KCTD9: variants seen among roughly 807,000 people sequenced by gnomAD.
The protein encoded by KCTD9 is potassium channel tetramerization domain containing 9, also known as BTB/POZ domain-containing protein KCTD9.
Under a neutral mutation model 53.3 loss-of-function variants are expected in KCTD9, and 17 were observed. That is an observed-to-expected ratio of 0.32 (90% CI 0.22 to 0.48). The LOEUF (loss-of-function observed/expected upper bound fraction) is 0.48. Ranked by LOEUF, KCTD9 falls within the 20% of genes least tolerant of loss-of-function variation. The probability of loss-of-function intolerance (pLI) is 0.99; values close to 1 mark genes in which losing one functional copy is unlikely to be tolerated. For synonymous variants in KCTD9, 128 were observed against 162.7 expected, an observed-to-expected ratio of 0.79 and a Z score of 1.62; for missense variants, 179 against 465.5, an observed-to-expected ratio of 0.38 and a Z score of 5.66.
chr8:25,448,233 G>A (rs1157688584), intron 1 of KCTD9, among the ~76,000 whole-genome samples: 3 of 152,178 alleles, frequency 2.0e-5, no homozygotes, highest in African/African-American at 7.2e-5. Flanking sequence ...GACACATGCT[G>A]CAACATGGAT....
At chr8:25,431,174 G>A (rs933506402) in intron 11 of KCTD9, among the ~76,000 whole-genome samples, 2 of 151,830 alleles carry the variant, frequency 1.3e-5, no homozygotes, top group African/African-American at 4.8e-5. Flanking sequence ...TATGATCCAA[G>A]AACAACAACA....
At chr8:25,439,516 A>C in intron 5 of KCTD9, 90 bp downstream of exon 5, 1 of 1,556,812 alleles carries the variant, frequency 6.4e-7, no homozygotes, top group East Asian at 2.3e-5. Flanking sequence ...AAACTGACAT[A>C]ATTAGTAAGT....
At chr8:25,449,591 T>C (rs1043894109) in intron 1 of KCTD9, among the ~76,000 whole-genome samples, 1 of 152,144 alleles carries the variant, frequency 6.6e-6, no homozygotes, top group Admixed American at 6.5e-5. Context: ...CCGATGAAAA[T>C]AAAGGCCACC....
At position 25,428,563 on chromosome 8, in the gene KCTD9, T is replaced by C. The variant is rs1184019159; in HGVS notation, c.*1294A>G. ...ATATCCCTGCTCTTGGGGTAGAAAATAAGGACACCAAGTCATTGGTAGGGA... is the reference window on the plus strand; with the variant it reads ...ATATCCCTGCTCTTGGGGTAGAAAACAAGGACACCAAGTCATTGGTAGGGA... On this transcript the variant is annotated 3_prime_UTR_variant, in exon 12 of 12. Coordinates refer to ENST00000221200, the MANE Select transcript of KCTD9 (RefSeq NM_017634.4). 2 of 152,040 alleles carry C rather than the reference T, an allele frequency of 1.3e-5. No individual in the cohort carries two copies. Among genetic ancestry groups the C allele is most frequent in the Non-Finnish European group, 2.9e-5 (2 of 67,950 alleles). 9.4% of individuals were successfully genotyped at this position (152,040 alleles called of 1,614,324 possible).
intron 2 of KCTD9, 120 bp downstream of exon 2, chr8:25,446,009 G>C: frequency 7.7e-7 from 1 of 1,292,840 alleles, no homozygotes; most frequent in Admixed American, 2.4e-5. Context: ...GCAAATTCTA[G>C]GTAAACACTT....
At chr8:25,453,084 T>TA (rs1258126025) in intron 1 of KCTD9, among the ~76,000 whole-genome samples, 4 of 152,184 alleles carry the variant, frequency 2.6e-5, no homozygotes, top group Non-Finnish European at 5.9e-5. Context: ...ACTTAGTGGC[T>TA]AGGCAGAGTG....
At chr8:25,456,231 G>A (rs1323763096) in intron 1 of KCTD9, among the ~76,000 whole-genome samples, 1 of 152,202 alleles carries the variant, frequency 6.6e-6, no homozygotes, top group East Asian at 1.9e-4. Flanking sequence ...AAGCAGAAGC[G>A]AGGTAAGGGA....
intron 1 of KCTD9, chr8:25,450,555 T>A: frequency 1.5e-6 from 1 of 660,660 alleles, no homozygotes; most frequent in African/African-American, 2.0e-5. Flanking sequence ...CTCAAGCCTG[T>A]AATGCCGGCA....
At chr8:25,434,618 G>C (rs1211827367) in intron 9 of KCTD9, among the ~76,000 whole-genome samples, 1 of 152,102 alleles carries the variant, frequency 6.6e-6, no homozygotes, top group East Asian at 1.9e-4. Context: ...ATATTTGGTA[G>C]ATTTTGTTAC....
Position 25,437,096 on chromosome 8 carries a change from A to G in KCTD9, c.500-611T>C, listed in dbSNP as rs531724195. Among the ~76,000 whole-genome samples the G allele has an allele frequency of 3.5e-4, 54 of 152,330 alleles. No individual in the cohort carries two copies. In the South Asian group the frequency reaches 4.3e-3, roughly 12 times the overall value. On this transcript the variant is annotated intron_variant, in intron 6 of 11. Coordinates refer to ENST00000221200, the MANE Select transcript of KCTD9 (RefSeq NM_017634.4). Reference sequence around the variant, plus strand: ...ATCTTTTCTGTGAAGACCAAACTCTATGGTCAACAATCCAATTGTAAAACA... The same window carrying G: ...ATCTTTTCTGTGAAGACCAAACTCTGTGGTCAACAATCCAATTGTAAAACA...
intron 6 of KCTD9, among the ~76,000 whole-genome samples, chr8:25,436,898 C>A (rs1310917140): frequency 6.6e-6 from 1 of 152,174 alleles, no homozygotes; most frequent in Non-Finnish European, 1.5e-5. Flanking sequence ...GTTCCATTAT[C>A]TTTCAAATGA....
At chr8:25,439,219 C>A in intron 6 of KCTD9, 60 bp downstream of exon 6, 1 of 1,332,918 alleles carries the variant, frequency 7.5e-7, no homozygotes, top group Non-Finnish European at 1.0e-6. Flanking sequence ...AAGTTAAAAT[C>A]TTAAACTTAC....
At chr8:25,457,486 C>T (rs1163725118) in intron 1 of KCTD9, 1 of 438,658 alleles carries the variant, frequency 2.3e-6, no homozygotes, top group African/African-American at 2.1e-5. Flanking sequence ...CCACACTCTC[C>T]GCAAAGGCCT....
At chr8:25,453,607 T>A (rs1802374912) in intron 1 of KCTD9, among the ~76,000 whole-genome samples, 1 of 147,062 alleles carries the variant, frequency 6.8e-6, no homozygotes, top group African/African-American at 2.5e-5. Context: ...GAGCCAGAGA[T>A]CATGCCACTG....
chr8:25,453,377 C>T (rs754613129), intron 1 of KCTD9, among the ~76,000 whole-genome samples: 61 of 149,372 alleles, frequency 4.1e-4, no homozygotes, highest in Non-Finnish European at 7.4e-4. Context: ...AGGTGAGGGC[C>T]GGGCACGGTG....
intron 1 of KCTD9, among the ~76,000 whole-genome samples, chr8:25,453,438 G>C (rs1306431004): frequency 1.3e-5 from 2 of 151,742 alleles, no homozygotes; most frequent in African/African-American, 4.8e-5. Flanking sequence ...GGCGGATCAC[G>C]AAGTCAGGAG....
At chr8:25,440,349 C>T (rs1456828741) in intron 4 of KCTD9, among the ~76,000 whole-genome samples, 6 of 152,140 alleles carry the variant, frequency 3.9e-5, no homozygotes, top group South Asian at 4.1e-4. Flanking sequence ...TGAGCCACCG[C>T]GCCCAGCCAA....
At chr8:25,457,877 C>T in intron 1 of KCTD9, 1 of 219,834 alleles carries the variant, frequency 4.5e-6, no homozygotes, top group East Asian at 9.9e-5. Flanking sequence ...CGCGACCGCC[C>T]GGGCGCCCAG....
intron 11 of KCTD9, among the ~76,000 whole-genome samples, chr8:25,430,808 T>TACACACACACACAC (rs139075991): frequency 6.5e-4 from 95 of 145,580 alleles, no homozygotes; most frequent in Non-Finnish European, 9.8e-4. Flanking sequence ...ACATAATAAA[T>TACACACACACACAC]ACACACACAC....
Sources: allele counts gnomAD v4.1 joint callset (sites outside exome capture counted in the v4.1 genomes callset), GRCh38; gene constraint gnomAD v4.1.1; transcripts MANE v1.5; gene names NCBI Gene and HGNC (gene_info 2026-07-23, HGNC 2026-07-21).